ENTHD1: variants seen among roughly 807,000 people sequenced by gnomAD.
ENTHD1 encodes ENTH domain containing 1, also known as ENTH domain-containing protein 1.
ENTHD1 carries 23 observed loss-of-function variants against 39.1 expected under a neutral mutation model. That is an observed-to-expected ratio of 0.59 (90% CI 0.42 to 0.83). ENTHD1 has a LOEUF of 0.83. Among genes scored for constraint, ENTHD1 ranks in the 40% least tolerant of loss-of-function variants. The pLI, the probability that ENTHD1 is intolerant of heterozygous loss-of-function variation, is 0.00. For synonymous variants in ENTHD1, 230 were observed against 258.2 expected (o/e 0.89, Z 1.05); for missense variants, 624 against 705.4 (o/e 0.88, Z 1.31).
intron 2 of ENTHD1, among the ~76,000 whole-genome samples, chr22:39,879,993 C>G (rs2066324961): frequency 6.6e-6 from 1 of 152,148 alleles, no homozygotes; most frequent in African/African-American, 2.4e-5. Context: ...TTTGGGAAGC[C>G]AAGACAGGAG....
chr22:39,821,032 A>T lies in ENTHD1; in HGVS notation c.793T>A (p.Leu265Met). The T allele has an allele frequency of 1.2e-6, 2 of 1,614,120 alleles. No homozygotes were observed. The highest frequency in any genetic ancestry group is 1.7e-6 in the Non-Finnish European group (2 of 1,179,974). ...PPSIVSPITC[L>M]SEAEEVCNLS... Reference sequence around the variant, plus strand: ...TTACAAACTTCTTCTGCTTCTGACAAGCAAGTGATTGGAGAGACAATGGAA... The same window carrying T: ...TTACAAACTTCTTCTGCTTCTGACATGCAAGTGATTGGAGAGACAATGGAA... The change falls in exon 5 of 7, where the codon TTG becomes ATG. Residue 265 changes from leucine (L) to methionine (M), a missense_variant. Transcript: ENST00000325157.
chr22:39,765,719 C>G, intron 5 of ENTHD1, 110 bp from the exon 6 acceptor site: 1 of 1,130,448 alleles, frequency 8.8e-7, no homozygotes, highest in Non-Finnish European at 1.2e-6. Context: ...TAACAGAATT[C>G]TTTCCTATTT....
At position 39,745,539 on chromosome 22, in the gene ENTHD1, T is replaced by G. The variant is rs11913193; in HGVS notation, c.1220-1256A>C. 8.3e-3 allele frequency among the ~76,000 whole-genome samples: 1,268 copies of G among 152,280 alleles called. 20 individuals are homozygous for G. Among genetic ancestry groups the G allele is most frequent in the African/African-American group, 0.029 (1,212 of 41,550 alleles). On this transcript the variant is annotated intron_variant, in intron 6 of 6. Transcript: ENST00000325157. ...AAAAATTCCAATCACAAAACTTTTT[T>G]GGGGATGAAATATATTCTCAGCCGA... is the stretch of plus-strand genomic sequence containing the variant.
chr22:39,885,638 T>C (rs1257810170), intron 2 of ENTHD1, among the ~76,000 whole-genome samples: 1 of 152,198 alleles, frequency 6.6e-6, no homozygotes, highest in Non-Finnish European at 1.5e-5. Flanking sequence ...TACAATAGAA[T>C]ATTATTCAGA....
chr22:39,805,401 C>T (rs984735255), intron 5 of ENTHD1, among the ~76,000 whole-genome samples: 5 of 152,092 alleles, frequency 3.3e-5, no homozygotes, highest in Non-Finnish European at 7.3e-5. Flanking sequence ...GCAGTTTTTG[C>T]GCATTAGAGA....
At chr22:39,888,256 CTTT>C (rs2066398513) in intron 1 of ENTHD1, among the ~76,000 whole-genome samples, 2 of 128,524 alleles carry the variant, frequency 1.6e-5, no homozygotes, top group Admixed American at 8.0e-5. Flanking sequence ...TTCTTTCTTT[CTTT>C]CTTTTTTTTT....
chr22:39,841,635 C>G (rs1180373158), intron 3 of ENTHD1, among the ~76,000 whole-genome samples: 1 of 151,104 alleles, frequency 6.6e-6, no homozygotes. Context: ...TGTGTCTCTG[C>G]ACGTGAGATG....
Position 39,887,599 on chromosome 22 carries a change from G to C in ENTHD1, c.150C>G (p.Leu50=), listed in dbSNP as rs1230037608. The C allele has an allele frequency of 1.9e-6, 3 of 1,614,064 alleles. No homozygotes were observed. The African/African-American group carries it at 4.0e-5, about 22-fold the overall frequency. The part of the protein sequence containing the change: ...ISDLTFNTIS[L]SEIMNMLWHR... ...GCCACAGCATATTCATAATCTCTGA[G>C]AGAGAAATTGTGTTGAAAGTCAAGT... Residue 50 remains leucine (L), a synonymous_variant, in exon 2 of 7, where the codon CTC becomes CTG. Transcript: ENST00000325157.
At chr22:39,889,053 A>G (rs1156378644) in intron 1 of ENTHD1, among the ~76,000 whole-genome samples, 3 of 152,190 alleles carry the variant, frequency 2.0e-5, no homozygotes, top group Non-Finnish European at 2.9e-5. Context: ...AAACAGCTGT[A>G]TATCAGTGGA....
intron 5 of ENTHD1, among the ~76,000 whole-genome samples, chr22:39,810,998 G>T (rs890851062): frequency 1.3e-5 from 2 of 152,190 alleles, no homozygotes; most frequent in Admixed American, 6.5e-5. Flanking sequence ...CTATCACATT[G>T]ATGATACAGT....
intron 6 of ENTHD1, among the ~76,000 whole-genome samples, chr22:39,745,545 T>G (rs2065097143): frequency 6.6e-6 from 1 of 152,192 alleles, no homozygotes; most frequent in Non-Finnish European, 1.5e-5. Flanking sequence ...TTTTTGGGGA[T>G]GAAATATATT....
At chr22:39,835,087 C>T (rs571916737) in intron 4 of ENTHD1, among the ~76,000 whole-genome samples, 1 of 152,018 alleles carries the variant, frequency 6.6e-6, no homozygotes, top group African/African-American at 2.4e-5. Flanking sequence ...ACCACACACA[C>T]AAAAACACAA....
intron 6 of ENTHD1, among the ~76,000 whole-genome samples, chr22:39,756,015 G>A (rs539266747): frequency 6.6e-6 from 1 of 152,182 alleles, no homozygotes; most frequent in South Asian, 2.1e-4. Flanking sequence ...CCAAGTAGGA[G>A]CCTAGCTTGA....
intron 1 of ENTHD1, among the ~76,000 whole-genome samples, chr22:39,891,373 G>C (rs575921954): frequency 6.6e-6 from 1 of 152,198 alleles, no homozygotes; most frequent in South Asian, 2.1e-4. Context: ...ATTAGCAACA[G>C]TAGATACTCA....
chr22:39,802,277 G>A (rs2065605196), intron 5 of ENTHD1, among the ~76,000 whole-genome samples: 1 of 152,350 alleles, frequency 6.6e-6, no homozygotes. Context: ...AGTCTCCAGA[G>A]ATAAAGACTC....
intron 5 of ENTHD1, among the ~76,000 whole-genome samples, chr22:39,783,122 T>C (rs2146588499): frequency 6.6e-6 from 1 of 152,294 alleles, no homozygotes; most frequent in African/African-American, 2.4e-5. Context: ...GTAGCACTTA[T>C]ATATGCTAAC....
intron 5 of ENTHD1, among the ~76,000 whole-genome samples, chr22:39,783,388 T>C (rs1005384258): frequency 6.6e-6 from 1 of 151,922 alleles, no homozygotes; most frequent in African/African-American, 2.4e-5. Flanking sequence ...TTCAGAGAAG[T>C]AGAAAAAACA....
intron 5 of ENTHD1, among the ~76,000 whole-genome samples, chr22:39,819,502 A>G (rs2065762681): frequency 6.6e-6 from 1 of 152,124 alleles, no homozygotes; most frequent in African/African-American, 2.4e-5. Flanking sequence ...AAAATCATAC[A>G]TACCATCTGA....
At chr22:39,871,284 A>G (rs1270572599) in intron 2 of ENTHD1, among the ~76,000 whole-genome samples, 1 of 152,146 alleles carries the variant, frequency 6.6e-6, no homozygotes, top group Non-Finnish European at 1.5e-5. Context: ...GTTCTAGGAA[A>G]TGAAAATAAT....
Sources: allele counts gnomAD v4.1 joint callset (sites outside exome capture counted in the v4.1 genomes callset), GRCh38; gene constraint gnomAD v4.1.1; transcripts MANE v1.5; gene names NCBI Gene and HGNC (gene_info 2026-07-23, HGNC 2026-07-21).